EPHB1: variants seen among roughly 807,000 people sequenced by gnomAD.
EPHB1 encodes the protein ephrin type-B receptor 1.
In EPHB1, 30 loss-of-function variants were observed where a neutral mutation model predicts 94.4. The observed-to-expected ratio is 0.32, with a 90% CI of 0.24 to 0.43. The LOEUF is 0.43. Among genes scored for constraint, EPHB1 ranks in the 20% least tolerant of loss-of-function variants. The pLI, the probability that EPHB1 is intolerant of heterozygous loss-of-function variation, is 1.00. For missense variants in EPHB1, 1,055 were observed against 1,308.3 expected (o/e 0.81, Z 2.99); for synonymous variants, 522 against 489.1 (o/e 1.07, Z -0.89).
chr3:134,855,356 GC>G (rs2037089469), intron 1 of EPHB1, among the ~76,000 whole-genome samples: 1 of 152,188 alleles, frequency 6.6e-6, no homozygotes, highest in Admixed American at 6.5e-5. Context: ...TGATGGAACT[GC>G]CCTGCATGGG....
At chr3:134,929,385 T>C (rs2038860169) in intron 2 of EPHB1, among the ~76,000 whole-genome samples, 1 of 152,166 alleles carries the variant, frequency 6.6e-6, no homozygotes. Context: ...GCTGGGCATA[T>C]TTCAGAGGAA....
chr3:135,259,169 A>ACCTCTGGTCCCCCTTGACCCT lies in EPHB1; in HGVS notation c.*49_*50insCCTCTGGTCCCCCTTGACCCT. 6.9e-7 allele frequency: 1 copy of ACCTCTGGTCCCCCTTGACCCT among 1,451,966 alleles called. No homozygotes were observed. The highest frequency in any genetic ancestry group is 1.4e-5 in the African/African-American group (1 of 71,366). 89.9% of individuals were successfully genotyped at this position (1,451,966 alleles called of 1,614,324 possible). On this transcript the variant is annotated 3_prime_UTR_variant, in exon 16 of 16. Coordinates refer to ENST00000398015, the MANE Select transcript of EPHB1 (RefSeq NM_004441.5). ...AGAGGAGGGAAAAGGACCAGGGTCAAGGGGGACCAGAGGTTGACCACTGTG... is the reference window on the plus strand; with the variant it reads ...AGAGGAGGGAAAAGGACCAGGGTCAACCTCTGGTCCCCCTTGACCCTGGGGGACCAGAGGTTGACCACTGTG...
rs559877399 is a variant in EPHB1 at position 135,131,923 on chromosome 3, G to A, written c.962-791G>A. Among the ~76,000 whole-genome samples the A allele has an allele frequency of 7.4e-4, 113 of 152,204 alleles. No homozygotes were observed. In the South Asian group the frequency reaches 0.017, roughly 24 times the overall value. The stretch of plus-strand genomic sequence containing the variant: ...GGCTTCAGTTCTTACAGAGCTATGC[G>A]ATCTATAGCCAGCCTCCTTTCTAAG... On this transcript the variant is annotated intron_variant, in intron 4 of 15. Transcript: ENST00000398015.
intron 11 of EPHB1, among the ~76,000 whole-genome samples, chr3:135,200,522 T>C (rs755756495): frequency 1.2e-4 from 19 of 152,338 alleles, no homozygotes; most frequent in African/African-American, 4.6e-4. Flanking sequence ...GAAGGTGCTT[T>C]ACATGCTTGA....
chr3:135,214,027 A>G (rs1002149979), intron 12 of EPHB1, among the ~76,000 whole-genome samples: 21 of 151,726 alleles, frequency 1.4e-4, no homozygotes, highest in Admixed American at 1.0e-3. Context: ...TCTTGTCTCA[A>G]ACTCCCGGTT....
intron 4 of EPHB1, among the ~76,000 whole-genome samples, chr3:135,114,134 G>A (rs1576396552): frequency 6.6e-6 from 1 of 152,164 alleles, no homozygotes; most frequent in Non-Finnish European, 1.5e-5. Flanking sequence ...TTATCAGTAC[G>A]ATTTCAGACA....
At chr3:134,801,230 T>C (rs1357528102) in intron 1 of EPHB1, among the ~76,000 whole-genome samples, 1 of 152,160 alleles carries the variant, frequency 6.6e-6, no homozygotes, top group African/African-American at 2.4e-5. Context: ...ACTCCACTAT[T>C]CCCACCCCTA....
chr3:135,171,821 C>A (rs1941811221), intron 9 of EPHB1, among the ~76,000 whole-genome samples: 1 of 152,190 alleles, frequency 6.6e-6, no homozygotes, highest in Non-Finnish European at 1.5e-5. Flanking sequence ...CTAGTTTCAT[C>A]CCCCTAACAG....
chr3:135,067,267 GC>G (rs1431235791), intron 3 of EPHB1, among the ~76,000 whole-genome samples: 1 of 152,130 alleles, frequency 6.6e-6, no homozygotes, highest in Non-Finnish European at 1.5e-5. Flanking sequence ...AAGAGTACAT[GC>G]CCTTTGTCTT....
At chr3:134,831,777 G>C (rs2036586429) in intron 1 of EPHB1, among the ~76,000 whole-genome samples, 1 of 152,186 alleles carries the variant, frequency 6.6e-6, no homozygotes, top group African/African-American at 2.4e-5. Context: ...GGTTACAGAA[G>C]CAATACGTGC....
intron 3 of EPHB1, among the ~76,000 whole-genome samples, chr3:135,080,986 T>G (rs1938143764): frequency 6.6e-6 from 1 of 152,192 alleles, no homozygotes; most frequent in South Asian, 2.1e-4. Flanking sequence ...CCACTGAATA[T>G]TCACCACTGC....
intron 1 of EPHB1, among the ~76,000 whole-genome samples, chr3:134,842,215 G>A (rs2036789829): frequency 6.6e-6 from 1 of 152,200 alleles, no homozygotes; most frequent in African/African-American, 2.4e-5. Flanking sequence ...CAGAAAGTGG[G>A]TCCTCACCAG....
At chr3:135,208,604 A>G (rs1287104220) in intron 12 of EPHB1, among the ~76,000 whole-genome samples, 2 of 152,200 alleles carry the variant, frequency 1.3e-5, no homozygotes, top group East Asian at 1.9e-4. Flanking sequence ...AGCAAGATTG[A>G]GAGACAAGCT....
chr3:134,872,232 G>A (rs903351889), intron 1 of EPHB1, among the ~76,000 whole-genome samples: 1 of 152,224 alleles, frequency 6.6e-6, no homozygotes, highest in Non-Finnish European at 1.5e-5. Flanking sequence ...GGAGGAAGCT[G>A]ATACTGTGTC....
chr3:135,079,862 C>A (rs1052620554), intron 3 of EPHB1, among the ~76,000 whole-genome samples: 4 of 152,066 alleles, frequency 2.6e-5, no homozygotes, highest in Non-Finnish European at 5.9e-5. Context: ...CCAGCTATCT[C>A]CATTCTCTAA....
At chr3:135,208,415 C>CCT (rs2107715329) in intron 12 of EPHB1, among the ~76,000 whole-genome samples, 1 of 151,126 alleles carries the variant, frequency 6.6e-6, no homozygotes, top group East Asian at 2.0e-4. Flanking sequence ...CCTGGCTTTT[C>CCT]CTTAGCCTTT....
At chr3:135,205,456 CTA>C (rs1217995902) in intron 12 of EPHB1, among the ~76,000 whole-genome samples, 3 of 152,128 alleles carry the variant, frequency 2.0e-5, no homozygotes, top group Non-Finnish European at 4.4e-5. Flanking sequence ...CATGTAATAG[CTA>C]TGTCTTCTTG....
intron 10 of EPHB1, among the ~76,000 whole-genome samples, chr3:135,190,519 A>T (rs1942427275): frequency 1.3e-5 from 2 of 152,216 alleles, no homozygotes; most frequent in African/African-American, 2.4e-5. Context: ...TATGCTACAT[A>T]TATACATGCA....
intron 1 of EPHB1, among the ~76,000 whole-genome samples, chr3:134,835,975 C>G (rs554708351): frequency 1.3e-5 from 2 of 152,356 alleles, no homozygotes; most frequent in South Asian, 4.1e-4. Context: ...AGTCAGCAAG[C>G]TTCTTCATAA....
Sources: gnomAD v4.1 joint callset for allele counts (sites outside exome capture counted in the v4.1 genomes callset) on GRCh38, gnomAD v4.1.1 for gene constraint, MANE v1.5 for transcripts, NCBI Gene and HGNC (gene_info 2026-07-23, HGNC 2026-07-21) for gene names.